PLEKHA7: variants seen among roughly 807,000 people sequenced by gnomAD.
PLEKHA7 encodes the protein pleckstrin homology domain-containing family A member 7.
Under a neutral mutation model 170.0 loss-of-function variants are expected in PLEKHA7, and 104 were observed. The ratio of observed to expected loss-of-function variants is 0.61; its 90% CI spans 0.52 to 0.72. PLEKHA7 has a LOEUF of 0.72. PLEKHA7 is among the 30% of genes least tolerant of loss of function. The pLI is 0.00. For synonymous variants in PLEKHA7, 648 were observed against 660.8 expected (o/e 0.98, Z 0.30); for missense variants, 1,615 against 1,671.7 (o/e 0.97, Z 0.59).
rs141980221 is a variant in PLEKHA7 at position 16,895,602 on chromosome 11, C to T, written c.222-24420G>A. 1.1e-3 allele frequency among the ~76,000 whole-genome samples: 167 copies of T among 152,328 alleles called. 1 individual carries two copies. Among genetic ancestry groups the T allele is most frequent in the African/African-American group, 3.8e-3 (160 of 41,580 alleles). ...GTTTCTGATGCATGTTAAACACCTCCCTGCAATTCCTCAAGTGTCTATTAA... is the reference window on the plus strand; with the variant it reads ...GTTTCTGATGCATGTTAAACACCTCTCTGCAATTCCTCAAGTGTCTATTAA... On this transcript the variant is annotated intron_variant, in intron 3 of 26. Transcript: ENST00000531066.
Position 16,786,888 on chromosome 11 carries a change from G to C in PLEKHA7, c.3358-501C>G, listed in dbSNP as rs541944780. The C allele has an allele frequency of 1.0e-5, 10 of 985,360 alleles. No homozygotes were observed. The African/African-American group carries it at 1.0e-4, about 10-fold the overall frequency. The allele number at this position is 985,360 out of a possible 1,614,324, so 61.0% of individuals were successfully genotyped here. A position where few individuals can be genotyped will look rare whatever the true frequency, so the allele number is the denominator to read the frequency against. Reference sequence around the variant, plus strand: ...ATAACATTCGTAGGTGGGGGATCTCGCACTTACAGTAGGGCTGGGGAGGTA... The same window carrying C: ...ATAACATTCGTAGGTGGGGGATCTCCCACTTACAGTAGGGCTGGGGAGGTA... On this transcript the variant is annotated intron_variant, in intron 23 of 26. Coordinates refer to ENST00000531066, the MANE Select transcript of PLEKHA7 (RefSeq NM_001329630.2).
In PLEKHA7 at chr11:16,789,233, C is replaced by T; in HGVS notation, c.3220G>A (p.Glu1074Lys). 6.2e-7 allele frequency: 1 copy of T among 1,613,828 alleles called. No individual in the cohort carries two copies. The highest frequency in any genetic ancestry group is 8.5e-7 in the Non-Finnish European group (1 of 1,180,052). Reference sequence around the variant, plus strand: ...CGCTTCATGCGCTCCAGCTGCTCCTCTGCACTCATCTTGCCTCGCTGGTGA... The same window carrying T: ...CGCTTCATGCGCTCCAGCTGCTCCTTTGCACTCATCTTGCCTCGCTGGTGA... ...GDHQRGKMSAEEQLERMKRHQ... is the reference protein window; with the variant it reads ...GDHQRGKMSAKEQLERMKRHQ... Residue 1074 changes from glutamate to lysine, a missense_variant, in exon 23 of 27, where the codon GAG (glutamate) becomes AAG (lysine). Glu to Lys is a moderately conservative substitution (Grantham distance 56). Coordinates refer to ENST00000531066, the MANE Select transcript of PLEKHA7 (RefSeq NM_001329630.2). This position sits in a 1 kb window ranked among gnomAD's most constrained non-coding sequence, Gnocchi z 4.6.
At chr11:16,925,923 G>A (rs1473972234) in intron 3 of PLEKHA7, among the ~76,000 whole-genome samples, 1 of 152,212 alleles carries the variant, frequency 6.6e-6, no homozygotes, top group African/African-American at 2.4e-5. Flanking sequence ...GAGGGGGAGG[G>A]AAAAGGGCGG....
chr11:16,983,793 G>A lies in PLEKHA7; in HGVS notation c.221+30196C>T, dbSNP rs937799282. On this transcript the variant is annotated intron_variant, in intron 3 of 26. Coordinates refer to ENST00000531066, the MANE Select transcript of PLEKHA7 (RefSeq NM_001329630.2). ...TCAGGGAGAAGGCTCCCTGGATGCC[G>A]TAGCTCCCAAAAGGGCAGAAGATAG... Among the ~76,000 whole-genome samples, 11 of 152,196 alleles carry A rather than the reference G, an allele frequency of 7.2e-5. No individual in the cohort carries two copies. In the East Asian group the frequency reaches 7.7e-4, roughly 11 times the overall value.
chr11:16,920,566 G>A (rs117909263), intron 3 of PLEKHA7, among the ~76,000 whole-genome samples: 10,596 of 152,270 alleles, frequency 0.07, 533 homozygotes, highest in Middle Eastern at 0.13. Flanking sequence ...TTCCCACAAA[G>A]TGTACATAAT....
At chr11:16,823,680 A>G (rs1850417250) in intron 10 of PLEKHA7, among the ~76,000 whole-genome samples, 1 of 152,142 alleles carries the variant, frequency 6.6e-6, no homozygotes, top group East Asian at 1.9e-4. Context: ...AACTCCACCC[A>G]TGTCCAGAAC....
At chr11:16,948,036 T>C (rs1050605912) in intron 3 of PLEKHA7, among the ~76,000 whole-genome samples, 1 of 152,160 alleles carries the variant, frequency 6.6e-6, no homozygotes, top group South Asian at 2.1e-4. Flanking sequence ...ACAACATGGT[T>C]AAACCTGGAG....
chr11:16,804,958 G>T (rs554412620), intron 13 of PLEKHA7, among the ~76,000 whole-genome samples: 9 of 152,280 alleles, frequency 5.9e-5, no homozygotes, highest in Non-Finnish European at 1.0e-4. Context: ...ACAAACAGCT[G>T]AACTTCTCAG....
In PLEKHA7 at chr11:16,817,176, T is replaced by C; in HGVS notation, c.1490A>G (p.Tyr497Cys). ...PPRNLPSDYK[Y>C]AQDRASHLKM... The stretch of plus-strand genomic sequence containing the variant: ...CAGGTGGCTGGCTCGGTCCTGCGCA[T>C]ACTTGTAGTCACTTGGCAGGTTTCG... Residue 497 changes from tyrosine to cysteine, a missense_variant, in exon 11 of 27, where the codon TAT becomes TGT. By Grantham distance (194) the Tyr-to-Cys change is radical. Transcript: ENST00000531066. The surrounding 1 kb of genome is among the most constrained non-coding windows in gnomAD (Gnocchi z 4.4). The C allele has an allele frequency of 1.2e-6, 2 of 1,614,186 alleles. No individual in the cohort carries two copies. The highest frequency in any genetic ancestry group is 1.7e-6 in the Non-Finnish European group (2 of 1,180,038).
chr11:16,990,869 T>G (rs917610266), intron 3 of PLEKHA7, among the ~76,000 whole-genome samples: 32 of 152,220 alleles, frequency 2.1e-4, no homozygotes, highest in African/African-American at 5.1e-4. Context: ...CTCAGGAGCA[T>G]GGATGACATC....
chr11:16,864,105 G>A (rs1565036244), intron 4 of PLEKHA7, among the ~76,000 whole-genome samples: 1 of 152,140 alleles, frequency 6.6e-6, no homozygotes, highest in Non-Finnish European at 1.5e-5. Flanking sequence ...GAAGACCTCT[G>A]AAATGAGAAG....
intron 3 of PLEKHA7, among the ~76,000 whole-genome samples, chr11:16,989,886 T>G (rs1040158590): frequency 6.6e-6 from 1 of 152,142 alleles, no homozygotes; most frequent in Non-Finnish European, 1.5e-5. Context: ...AAGCATTTAT[T>G]TCATAAGGGC....
At chr11:16,952,209 T>C (rs1460886659) in intron 3 of PLEKHA7, among the ~76,000 whole-genome samples, 1 of 152,180 alleles carries the variant, frequency 6.6e-6, no homozygotes, top group African/African-American at 2.4e-5. Flanking sequence ...TAAGTCCCGA[T>C]GAATGGATGT....
At chr11:16,801,540 C>G in intron 16 of PLEKHA7, 128 bp downstream of exon 16, 1 of 1,191,834 alleles carries the variant, frequency 8.4e-7, no homozygotes, top group Non-Finnish European at 1.2e-6. Flanking sequence ...AGTTCTGCTA[C>G]TGGAGAAGCT....
At chr11:16,839,671 T>C (rs1046583224) in intron 9 of PLEKHA7, among the ~76,000 whole-genome samples, 1 of 152,072 alleles carries the variant, frequency 6.6e-6, no homozygotes, top group African/African-American at 2.4e-5. Context: ...TTACATAGCA[T>C]TTACATTGTA....
chr11:16,987,134 G>GAGAA (rs1480406613), intron 3 of PLEKHA7, among the ~76,000 whole-genome samples: 1 of 152,198 alleles, frequency 6.6e-6, no homozygotes, highest in Non-Finnish European at 1.5e-5. Flanking sequence ...CTAATCTGCT[G>GAGAA]AGAAAGAATG....
chr11:16,838,514 TAA>T (rs56823340), intron 9 of PLEKHA7, among the ~76,000 whole-genome samples: 71 of 128,440 alleles, frequency 5.5e-4, no homozygotes, highest in Middle Eastern at 4.2e-3. Flanking sequence ...CTCTGTGTCT[TAA>T]AAAAAAAAAA....
chr11:16,882,070 T>C (rs972063476), intron 3 of PLEKHA7, among the ~76,000 whole-genome samples: 18 of 152,324 alleles, frequency 1.2e-4, no homozygotes, highest in East Asian at 1.9e-4. Flanking sequence ...CAGGTGACAC[T>C]TGAATATGAG....
chr11:16,786,356 A>G lies in PLEKHA7; in HGVS notation c.3389T>C (p.Leu1130Ser). The change falls in exon 24 of 27, where the codon TTG becomes TCG. Residue 1130 changes from leucine to serine, a missense_variant. Coordinates refer to ENST00000531066, the MANE Select transcript of PLEKHA7 (RefSeq NM_001329630.2). ...TTCCCCTTGCACGACCCGTTCCAGC[A>G]ACTGCAGGTCAAAGTCCTGCTCACG... ...WKREQDFDLQ[L>S]LERVVQGEKK... 6.5e-7 allele frequency: 1 copy of G among 1,536,170 alleles called. No individual in the cohort carries two copies.
Sources: gnomAD v4.1 joint callset for allele counts (sites outside exome capture counted in the v4.1 genomes callset) on GRCh38, gnomAD v4.1.1 for gene constraint, Gnocchi (gnomAD v3.1) non-coding constraint, MANE v1.5 for transcripts, NCBI Gene and HGNC (gene_info 2026-07-23, HGNC 2026-07-21) for gene names.